ELMOD1: variants seen among roughly 807,000 people sequenced by gnomAD.
ELMOD1 encodes the protein ELMO domain containing 1, also known as ELMO domain-containing protein 1.
A neutral mutation model predicts 46.7 loss-of-function variants in ELMOD1; 21 were observed. The ratio of observed to expected loss-of-function variants is 0.45; its 90% CI spans 0.32 to 0.65. The LOEUF (loss-of-function observed/expected upper bound fraction) is 0.65. Ranked by LOEUF, ELMOD1 falls within the 30% of genes least tolerant of loss-of-function variation. ELMOD1 has a pLI of 0.04. For synonymous variants in ELMOD1, 122 were observed against 138.2 expected, an observed-to-expected ratio of 0.88 and a Z score of 0.82; for missense variants, 348 against 407.8, an observed-to-expected ratio of 0.85 and a Z score of 1.26.
intron 6 of ELMOD1, among the ~76,000 whole-genome samples, chr11:107,645,875 A>G (rs1302042680): frequency 1.3e-5 from 2 of 152,220 alleles, no homozygotes; most frequent in Non-Finnish European, 2.9e-5. Context: ...AAAATGAATA[A>G]CAGCTTTTAT....
chr11:107,631,160 T>C (rs887164062), intron 4 of ELMOD1, among the ~76,000 whole-genome samples: 1 of 152,122 alleles, frequency 6.6e-6, no homozygotes, highest in Non-Finnish European at 1.5e-5. Context: ...CCTATTTTCT[T>C]TTTCAAGATT....
At chr11:107,639,635 A>T (rs368183449) in intron 6 of ELMOD1, among the ~76,000 whole-genome samples, 1 of 152,144 alleles carries the variant, frequency 6.6e-6, no homozygotes, top group South Asian at 2.1e-4. Context: ...GAAGTGTTCA[A>T]ATAAACTTGT....
chr11:107,654,944 T>C (rs1405281150), intron 10 of ELMOD1, among the ~76,000 whole-genome samples: 4 of 152,140 alleles, frequency 2.6e-5, no homozygotes, highest in African/African-American at 7.2e-5. Flanking sequence ...GCAGAGAGGA[T>C]TTAAGAACTC....
At chr11:107,659,910 G>A (rs1866704259) in intron 11 of ELMOD1, among the ~76,000 whole-genome samples, 1 of 152,046 alleles carries the variant, frequency 6.6e-6, no homozygotes, top group African/African-American at 2.4e-5. Flanking sequence ...AAAGAAAAAA[G>A]TATTAGTCTT....
intron 6 of ELMOD1, among the ~76,000 whole-genome samples, chr11:107,646,947 T>TATCA (rs774692745): frequency 5.3e-4 from 30 of 56,840 alleles, no homozygotes; most frequent in Non-Finnish European, 8.9e-4. Flanking sequence ...CTATCTAATC[T>TATCA]ATCTATCTAT....
At chr11:107,658,137 T>G (rs1866666716) in intron 11 of ELMOD1, among the ~76,000 whole-genome samples, 1 of 152,206 alleles carries the variant, frequency 6.6e-6, no homozygotes, top group African/African-American at 2.4e-5. Flanking sequence ...GCATGTTGAT[T>G]AGAGCTATGA....
intron 1 of ELMOD1, among the ~76,000 whole-genome samples, chr11:107,603,318 C>T (rs1002302472): frequency 1.3e-5 from 2 of 152,216 alleles, no homozygotes; most frequent in Non-Finnish European, 2.9e-5. Flanking sequence ...GTGGGCACAT[C>T]GCTTGGGCTC....
At chr11:107,593,013 C>T (rs1156604071) in intron 1 of ELMOD1, 3 of 152,612 alleles carry the variant, frequency 2.0e-5, no homozygotes, top group Non-Finnish European at 4.4e-5. Context: ...CTGAAAGAAG[C>T]AACTCTTTAA....
At chr11:107,601,187 A>AT (rs1220040703) in intron 1 of ELMOD1, among the ~76,000 whole-genome samples, 1 of 151,884 alleles carries the variant, frequency 6.6e-6, no homozygotes, top group Non-Finnish European at 1.5e-5. Context: ...AGATTTATTG[A>AT]TTTTCCACTA....
At chr11:107,637,948 T>A (rs565088929) in intron 6 of ELMOD1, among the ~76,000 whole-genome samples, 1 of 152,280 alleles carries the variant, frequency 6.6e-6, no homozygotes, top group East Asian at 1.9e-4. Flanking sequence ...CTTCAGGCTA[T>A]GTCCTATAGT....
chr11:107,652,948 T>C (rs1332971011), intron 9 of ELMOD1, among the ~76,000 whole-genome samples: 1 of 152,198 alleles, frequency 6.6e-6, no homozygotes, highest in African/African-American at 2.4e-5. Context: ...AAATTAAATA[T>C]TCATAATAAC....
intron 2 of ELMOD1, among the ~76,000 whole-genome samples, chr11:107,625,190 T>G (rs534303281): frequency 6.6e-6 from 1 of 152,322 alleles, no homozygotes; most frequent in South Asian, 2.1e-4. Flanking sequence ...TATTGATAAG[T>G]TAATTCCCAA....
chr11:107,597,700 G>A (rs1865516874), intron 1 of ELMOD1, among the ~76,000 whole-genome samples: 1 of 151,594 alleles, frequency 6.6e-6, no homozygotes, highest in Non-Finnish European at 1.5e-5. Flanking sequence ...GACTTATAAT[G>A]AATGTATGAT....
chr11:107,635,796 T>C (rs1026096264), intron 6 of ELMOD1, 31 bp downstream of exon 6: 27 of 1,592,298 alleles, frequency 1.7e-5, no homozygotes, highest in Non-Finnish European at 2.2e-5. Flanking sequence ...CGGTTCTTCC[T>C]CTAAGTCAGC....
chr11:107,638,126 C>T lies in ELMOD1; in HGVS notation c.420+2361C>T, dbSNP rs190589361. On this transcript the variant is annotated intron_variant, in intron 6 of 11. Transcript: ENST00000265840. ...CCATACGCCCAGGAATTTGTTCATG[C>T]TATTCCCTCTGTTACCCATTATTCT... 3.0e-3 allele frequency among the ~76,000 whole-genome samples: 453 copies of T among 152,206 alleles called. 1 individual carries two copies. Among genetic ancestry groups the T allele is most frequent in the Non-Finnish European group, 5.1e-3 (347 of 68,014 alleles).
intron 6 of ELMOD1, among the ~76,000 whole-genome samples, chr11:107,640,895 T>A (rs1009024256): frequency 6.6e-6 from 1 of 152,242 alleles, no homozygotes; most frequent in Middle Eastern, 3.2e-3. Flanking sequence ...CCTTAAAACC[T>A]GTGAATTATA....
rs368533569 is a variant in ELMOD1 at position 107,665,013 on chromosome 11, T to G, written c.833-12T>G. 3.6e-5 allele frequency: 57 copies of G among 1,604,114 alleles called. No homozygotes were observed. In the African/African-American group the frequency reaches 7.0e-4, roughly 20 times the overall value. On this transcript the variant is annotated splice_polypyrimidine_tract_variant and intron_variant, in intron 11 of 11. Transcript: ENST00000265840. ...TTCTCCTGCATTCTTATCATTGTATTGTCTCCAACAGGCTATTTGATGCAT... is the reference window on the plus strand; with the variant it reads ...TTCTCCTGCATTCTTATCATTGTATGGTCTCCAACAGGCTATTTGATGCAT...
At chr11:107,606,695 T>G (rs557585875) in intron 1 of ELMOD1, among the ~76,000 whole-genome samples, 1 of 151,866 alleles carries the variant, frequency 6.6e-6, no homozygotes, top group Admixed American at 6.6e-5. Flanking sequence ...ATTAGCCGGG[T>G]GTGGTGGCGT....
chr11:107,632,034 T>G (rs187033637), intron 5 of ELMOD1, among the ~76,000 whole-genome samples: 66 of 152,356 alleles, frequency 4.3e-4, no homozygotes, highest in Non-Finnish European at 8.4e-4. Context: ...GCTGATTCTG[T>G]TCCATCTAGA....
Sources: allele counts gnomAD v4.1 joint callset (sites outside exome capture counted in the v4.1 genomes callset), GRCh38; gene constraint gnomAD v4.1.1; transcripts MANE v1.5; gene names NCBI Gene and HGNC (gene_info 2026-07-23, HGNC 2026-07-21).